Variants in ATP8B1 observed in about 807,000 individuals in gnomAD.
ATP8B1 encodes phospholipid-transporting ATPase IC.
A neutral mutation model predicts 149.9 loss-of-function variants in ATP8B1; 80 were observed. The observed-to-expected ratio is 0.53, with a 90% CI of 0.45 to 0.64. The LOEUF is 0.64. Ranked by LOEUF, ATP8B1 falls within the 30% of genes least tolerant of loss-of-function variation. ATP8B1 has a pLI of 0.00. For synonymous variants in ATP8B1, 536 were observed against 562.8 expected (o/e 0.95, Z 0.67); for missense variants, 1,247 against 1,552.6 (o/e 0.80, Z 3.31).
In ATP8B1 at chr18:57,648,627, C is replaced by T. The variant is rs1345665554; in HGVS notation, c.3617G>A (p.Arg1206His). 1 of 1,605,896 alleles carries T rather than the reference C, an allele frequency of 6.2e-7. No homozygotes were observed. Among genetic ancestry groups the T allele is most frequent in the Non-Finnish European group, 8.5e-7 (1 of 1,177,358 alleles). Residue 1206 changes from arginine (R) to histidine (H), a missense_variant, in exon 28 of 28, where the codon CGC becomes CAC. Coordinates refer to ENST00000648908, the MANE Select transcript of ATP8B1 (RefSeq NM_001374385.1). The part of the protein sequence containing the change: ...QVFRRGVSTR[R>H]SAYAFSHQRG... Reference sequence around the variant, plus strand: ...CTGGTGCGAGAAGGCGTAGGCCGAGCGCCGCGTTGACACGCCCCGGCGGAA... The same window carrying T: ...CTGGTGCGAGAAGGCGTAGGCCGAGTGCCGCGTTGACACGCCCCGGCGGAA...
chr18:57,708,918 G>C (rs996373122), intron 2 of ATP8B1, among the ~76,000 whole-genome samples: 2 of 152,076 alleles, frequency 1.3e-5, no homozygotes, highest in Admixed American at 1.3e-4. Flanking sequence ...CAGAGAGGGT[G>C]GCATCAGACC....
At position 57,662,629 on chromosome 18, in the gene ATP8B1, A is replaced by C. The variant is rs773227602; in HGVS notation, c.2286-14T>G. ...TGAAGAAGAGAACTAGGGGAAACCA[A>C]ATTTCAGTGTTTAAAGTGTAAGACC... is the stretch of plus-strand genomic sequence containing the variant. On this transcript the variant is annotated splice_polypyrimidine_tract_variant and intron_variant, in intron 20 of 27. Transcript: ENST00000648908. The C allele has an allele frequency of 1.9e-6, 3 of 1,614,060 alleles. No homozygotes were observed. In the South Asian group the frequency reaches 3.3e-5, roughly 18 times the overall value.
rs575733165 is a variant in ATP8B1, at chr18:57,730,239, G to C, written c.181+1388C>G. Among the ~76,000 whole-genome samples the C allele has an allele frequency of 5.3e-5, 8 of 149,686 alleles. No individual in the cohort carries two copies. In the South Asian group the frequency reaches 1.8e-3, roughly 33 times the overall value. On this transcript the variant is annotated intron_variant, in intron 2 of 27. Coordinates refer to ENST00000648908, the MANE Select transcript of ATP8B1 (RefSeq NM_001374385.1). ...GAACCCAAGAAAGAGAAACTAGAGG[G>C]GGGGTTTGGCATGGGGGAAAAAGAG...
chr18:57,794,514 A>G (rs963283061), intron 1 of ATP8B1, among the ~76,000 whole-genome samples: 12 of 151,024 alleles, frequency 7.9e-5, no homozygotes, highest in Non-Finnish European at 1.3e-4. Context: ...CATCTCTGGA[A>G]GGTGGCTGTG....
chr18:57,649,868 A>G (rs1299416159), intron 27 of ATP8B1, among the ~76,000 whole-genome samples: 1 of 152,118 alleles, frequency 6.6e-6, no homozygotes, highest in Non-Finnish European at 1.5e-5. Flanking sequence ...AAGGTTTCTG[A>G]GAGAAGAGAT....
chr18:57,661,139 C>G, intron 22 of ATP8B1, 35 bp downstream of exon 22: 1 of 1,610,060 alleles, frequency 6.2e-7, no homozygotes, highest in Non-Finnish European at 8.5e-7. Context: ...CTCTCTAGCA[C>G]GTTGGGCCTC....
chr18:57,659,114 A>C (rs767027498), intron 22 of ATP8B1, among the ~76,000 whole-genome samples: 3 of 152,018 alleles, frequency 2.0e-5, no homozygotes, highest in Admixed American at 2.0e-4. Flanking sequence ...CAACTCTACA[A>C]AAAATACAAA....
chr18:57,651,988 A>T, intron 26 of ATP8B1, 46 bp downstream of exon 26: 1 of 1,584,608 alleles, frequency 6.3e-7, no homozygotes, highest in Non-Finnish European at 8.7e-7. Context: ...ATCTAAACTA[A>T]TGACATTTGT....
intron 1 of ATP8B1, among the ~76,000 whole-genome samples, chr18:57,762,744 T>C (rs2080169653): frequency 6.6e-6 from 1 of 152,198 alleles, no homozygotes; most frequent in African/African-American, 2.4e-5. Flanking sequence ...TTTTTGCTTT[T>C]TCATTGTTCC....
chr18:57,704,600 A>G lies in ATP8B1; in HGVS notation c.348T>C (p.Phe116=). The change falls in exon 4 of 28, where the codon TTT becomes TTC. Residue 116 remains phenylalanine (F), a synonymous_variant. Transcript: ENST00000648908. The part of the protein sequence containing the change: ...TFIPMNLFEQ[F]KRAANLYFLA... ...GGAAATATAAATTGGCTGCTCTCTT[A>G]AACTGCTCAAACAGATTCATTGGTA... The G allele has an allele frequency of 6.2e-7, 1 of 1,611,912 alleles. No homozygotes were observed. Among genetic ancestry groups the G allele is most frequent in the Non-Finnish European group, 8.5e-7 (1 of 1,177,940 alleles).
intron 1 of ATP8B1, among the ~76,000 whole-genome samples, chr18:57,756,316 T>TATATA (rs1290813737): frequency 2.8e-5 from 4 of 145,014 alleles, no homozygotes; most frequent in African/African-American, 7.8e-5. Context: ...TATATATATA[T>TATATA]TTGAGACTGA....
chr18:57,675,046 C>T, intron 15 of ATP8B1, 24 bp from the exon 16 acceptor site: 1 of 1,612,040 alleles, frequency 6.2e-7, no homozygotes, highest in African/African-American at 1.3e-5. Flanking sequence ...GAGAGAAATC[C>T]CAGAAAAGCT....
At position 57,701,883 on chromosome 18, in the gene ATP8B1, A is replaced by G. The variant is rs139981304; in HGVS notation, c.394-570T>C. On this transcript the variant is annotated intron_variant, in intron 4 of 27. Transcript: ENST00000648908. ...GCTAATTTTTTTGTATTTTTAGTAG[A>G]GATGGGTTTTCACCATGTTGGCCAG... is the stretch of plus-strand genomic sequence containing the variant. 5.1e-3 allele frequency among the ~76,000 whole-genome samples: 772 copies of G among 152,106 alleles called. 14 individuals carry two copies. Among genetic ancestry groups the G allele is most frequent in the Admixed American group, 0.043 (656 of 15,256 alleles).
intron 1 of ATP8B1, among the ~76,000 whole-genome samples, chr18:57,789,914 C>T (rs191899088): frequency 2.2e-4 from 34 of 152,292 alleles, no homozygotes; most frequent in African/African-American, 7.9e-4. Flanking sequence ...AAACCCAATC[C>T]TATGTTGCAA....
intron 15 of ATP8B1, among the ~76,000 whole-genome samples, chr18:57,675,769 G>T (rs377368509): frequency 6.6e-6 from 1 of 152,046 alleles, no homozygotes; most frequent in Non-Finnish European, 1.5e-5. Flanking sequence ...GCAGTGGCAC[G>T]ATCATGGCTC....
At chr18:57,660,428 T>C (rs1910315018) in intron 22 of ATP8B1, among the ~76,000 whole-genome samples, 1 of 152,174 alleles carries the variant, frequency 6.6e-6, no homozygotes, top group Non-Finnish European at 1.5e-5. Context: ...AAGAAATGCT[T>C]AGATGAAGGA....
intron 1 of ATP8B1, among the ~76,000 whole-genome samples, chr18:57,736,453 GTTTTTTTTTT>G (rs71171079): frequency 7.1e-5 from 5 of 70,144 alleles, no homozygotes; most frequent in African/African-American, 2.6e-4. Context: ...AGTTTTACTA[GTTTTTTTTTT>G]TTTTTTTTTT....
At position 57,661,990 on chromosome 18, in the gene ATP8B1, G is replaced by T. The variant is rs368140076; in HGVS notation, c.2418+493C>A. ...GCCTTGGCCTCCCAAAGTGCTGGGA[G>T]CACAGGCGTGAGCCACTGTGCTCAG... On this transcript the variant is annotated intron_variant, in intron 21 of 27. Coordinates refer to ENST00000648908, the MANE Select transcript of ATP8B1 (RefSeq NM_001374385.1). Among the ~76,000 whole-genome samples the T allele has an allele frequency of 4.6e-5, 7 of 152,156 alleles. No individual in the cohort carries two copies. In the East Asian group the frequency reaches 7.8e-4, roughly 17 times the overall value.
chr18:57,676,099 T>C (rs919140917), intron 15 of ATP8B1, among the ~76,000 whole-genome samples: 1 of 152,252 alleles, frequency 6.6e-6, no homozygotes, highest in Non-Finnish European at 1.5e-5. Flanking sequence ...ACAATACTAA[T>C]TTGTTTTCCA....
Sources: allele counts gnomAD v4.1 joint callset (sites outside exome capture counted in the v4.1 genomes callset), GRCh38; gene constraint gnomAD v4.1.1; transcripts MANE v1.5; gene names NCBI Gene and HGNC (gene_info 2026-07-23, HGNC 2026-07-21).